SLC35D4: variants seen among roughly 807,000 people sequenced by gnomAD.
The protein encoded by SLC35D4 is solute carrier family 35 member D4.
chr18:23,418,490 G>C, the SLC35D4 span, among the ~76,000 whole-genome samples: 3 of 151,152 alleles, frequency 2.0e-5, no homozygotes, highest in Non-Finnish European at 4.4e-5. Context: ...TCCTGCCTCA[G>C]CCTCCCAAGT....
the SLC35D4 span, among the ~76,000 whole-genome samples, chr18:23,254,416 T>C: frequency 6.6e-6 from 1 of 152,348 alleles, no homozygotes; most frequent in East Asian, 1.9e-4. Context: ...TCGATCTCCT[T>C]GGATGGCTAC....
chr18:23,389,177 C>T, the SLC35D4 span, among the ~76,000 whole-genome samples: 2 of 151,948 alleles, frequency 1.3e-5, no homozygotes, highest in African/African-American at 4.8e-5. Flanking sequence ...TTAGTAGAGA[C>T]GAGGTTTCAC....
the SLC35D4 span, among the ~76,000 whole-genome samples, chr18:23,302,009 T>C: frequency 6.6e-6 from 1 of 152,264 alleles, no homozygotes; most frequent in Non-Finnish European, 1.5e-5. Flanking sequence ...TTATAATTGT[T>C]CTTGGATACA....
At chr18:23,422,460 T>C in the SLC35D4 span, among the ~76,000 whole-genome samples, 2 of 152,046 alleles carry the variant, frequency 1.3e-5, 1 homozygote, top group South Asian at 4.2e-4. Context: ...ATTTTATTTA[T>C]CCCCATAACA....
chr18:23,253,721 T>G, the SLC35D4 span: 2 of 1,613,368 alleles, frequency 1.2e-6, no homozygotes, highest in East Asian at 4.5e-5. Flanking sequence ...TTGCCTGTCT[T>G]TCTCCAGTCT....
chr18:23,346,916 G>A, the SLC35D4 span, among the ~76,000 whole-genome samples: 22 of 152,110 alleles, frequency 1.4e-4, no homozygotes, highest in Admixed American at 1.4e-3. Flanking sequence ...TGCCAAATTT[G>A]GTTTGCTAAG....
At chr18:23,431,383 A>G in the SLC35D4 span, among the ~76,000 whole-genome samples, 3 of 152,096 alleles carry the variant, frequency 2.0e-5, no homozygotes, top group Non-Finnish European at 4.4e-5. Flanking sequence ...GCAGCCCCAG[A>G]GTCATTCAGA....
At chr18:23,372,158 G>C in the SLC35D4 span, among the ~76,000 whole-genome samples, 3 of 150,580 alleles carry the variant, frequency 2.0e-5, no homozygotes, top group African/African-American at 7.3e-5. Context: ...GGATGGTCTC[G>C]ATCTCCTGAC....
the SLC35D4 span, among the ~76,000 whole-genome samples, chr18:23,414,121 G>T: frequency 6.6e-6 from 1 of 151,826 alleles, no homozygotes; most frequent in Non-Finnish European, 1.5e-5. Context: ...CGGGCATGGT[G>T]GCAGGAGCCT....
chr18:23,277,292 T>G, the SLC35D4 span, among the ~76,000 whole-genome samples: 1 of 152,244 alleles, frequency 6.6e-6, no homozygotes, highest in South Asian at 2.1e-4. Context: ...TCATGAGATC[T>G]GATGGTATTA....
chr18:23,240,550 T>G, the SLC35D4 span, among the ~76,000 whole-genome samples: 7 of 152,246 alleles, frequency 4.6e-5, no homozygotes, highest in African/African-American at 1.4e-4. Flanking sequence ...ACTAGGCTAG[T>G]GTGAGGATCT....
the SLC35D4 span, among the ~76,000 whole-genome samples, chr18:23,345,483 A>AAG: frequency 1.0e-5 from 1 of 95,972 alleles, no homozygotes; most frequent in Non-Finnish European, 2.1e-5. Flanking sequence ...CTCCATCTCA[A>AAG]AAAAAAAAAA....
At chr18:23,243,529 A>G in the SLC35D4 span, among the ~76,000 whole-genome samples, 1 of 146,170 alleles carries the variant, frequency 6.8e-6, no homozygotes, top group South Asian at 2.1e-4. Flanking sequence ...TAGAATTCCA[A>G]CACCATACAA....
At chr18:23,395,246 A>C in the SLC35D4 span, among the ~76,000 whole-genome samples, 4 of 152,106 alleles carry the variant, frequency 2.6e-5, no homozygotes, top group African/African-American at 9.7e-5. Context: ...TCCTTTGTGG[A>C]TCCAACTTCC....
the SLC35D4 span, among the ~76,000 whole-genome samples, chr18:23,405,967 C>T: frequency 1.3e-5 from 2 of 152,168 alleles, no homozygotes; most frequent in East Asian, 3.8e-4. Context: ...ACATGAGCTA[C>T]AAGTGTAGTG....
chr18:23,257,792 T>G, the SLC35D4 span: 1 of 158,272 alleles, frequency 6.3e-6, no homozygotes, highest in Non-Finnish European at 1.4e-5. Context: ...TTTTAAAAGA[T>G]ACCCTCATTG....
chr18:23,437,644 A>T, the SLC35D4 span: 1 of 844,528 alleles, frequency 1.2e-6, no homozygotes, highest in Non-Finnish European at 1.9e-6. Context: ...CCACACACGG[A>T]GGAGGTTCGC....
the SLC35D4 span, among the ~76,000 whole-genome samples, chr18:23,244,058 T>G: frequency 6.6e-6 from 1 of 152,210 alleles, no homozygotes; most frequent in Admixed American, 6.5e-5. Flanking sequence ...TGACAATCAC[T>G]TCGTGATTTT....
At chr18:23,416,393 T>C in the SLC35D4 span, among the ~76,000 whole-genome samples, 2 of 152,224 alleles carry the variant, frequency 1.3e-5, no homozygotes, top group Non-Finnish European at 2.9e-5. Context: ...CTTCCTGATA[T>C]TTCCATTTTT....
Sources: gnomAD v4.1 joint callset for allele counts (sites outside exome capture counted in the v4.1 genomes callset) on GRCh38, gnomAD v4.1.1 for gene constraint, MANE v1.5 for transcripts, NCBI Gene and HGNC (gene_info 2026-07-23, HGNC 2026-07-21) for gene names.